BCAS1: variants seen among roughly 807,000 people sequenced by gnomAD.
The protein encoded by BCAS1 is breast carcinoma-amplified sequence 1.
Under a neutral mutation model 65.4 loss-of-function variants are expected in BCAS1, and 46 were observed. The observed-to-expected ratio is 0.70, with a 90% confidence interval of 0.55 to 0.90. The LOEUF (loss-of-function observed/expected upper bound fraction) is 0.90, where lower values mean the gene tolerates loss of function less well. Among genes scored for constraint, BCAS1 ranks in the 40% least tolerant of loss-of-function variants. The pLI, the probability that BCAS1 is intolerant of heterozygous loss-of-function variation, is 0.00. For synonymous variants in BCAS1, 298 were observed against 293.5 expected (o/e 1.02, Z -0.16); for missense variants, 793 against 771.2 (o/e 1.03, Z -0.33).
intron 12 of BCAS1, among the ~76,000 whole-genome samples, chr20:53,946,837 T>A (rs1174642868): frequency 1.3e-5 from 2 of 148,726 alleles, no homozygotes; most frequent in Non-Finnish European, 3.0e-5. Context: ...AAAGTATGTA[T>A]GGTCTAGTAT....
chr20:53,963,229 C>T (rs534904326), intron 10 of BCAS1, among the ~76,000 whole-genome samples: 10 of 151,914 alleles, frequency 6.6e-5, no homozygotes, highest in African/African-American at 2.4e-5. Context: ...TGCCTATAAT[C>T]CCAGCACTTT....
chr20:54,065,049 C>G (rs1169852648), intron 1 of BCAS1, among the ~76,000 whole-genome samples: 1 of 152,014 alleles, frequency 6.6e-6, no homozygotes, highest in Non-Finnish European at 1.5e-5. Flanking sequence ...ATATAGATGT[C>G]CCAAACTCAA....
intron 12 of BCAS1, among the ~76,000 whole-genome samples, chr20:53,947,829 C>T (rs10485441): frequency 0.099 from 15,100 of 152,272 alleles, 886 homozygotes; most frequent in South Asian, 0.16. Context: ...ATCTCTGCAC[C>T]TTTACAACCC....
rs369465212 is a variant in BCAS1 at position 54,058,903 on chromosome 20, G to C, written c.-5-180C>G. Among the ~76,000 whole-genome samples the C allele has an allele frequency of 8.5e-5, 13 of 152,184 alleles. 2 individuals carry two copies. The highest frequency in any genetic ancestry group is 3.9e-4 in the East Asian group (2 of 5,186). ...TGCTATGAAGAAATACCCGAGACTG[G>C]GTAATTTATAAAGAAAAGAGGTTGA... On this transcript the variant is annotated intron_variant, in intron 1 of 12. Transcript: ENST00000688948.
chr20:54,021,397 TA>T (rs563492495), intron 4 of BCAS1, among the ~76,000 whole-genome samples: 5,719 of 91,310 alleles, frequency 0.063, 954 homozygotes, highest in Middle Eastern at 0.17. Flanking sequence ...GCATTACGTC[TA>T]AAAAAAAAGT....
chr20:54,022,341 A>T (rs2091579843), intron 4 of BCAS1, among the ~76,000 whole-genome samples: 1 of 152,028 alleles, frequency 6.6e-6, no homozygotes, highest in South Asian at 2.1e-4. Flanking sequence ...TATATTACCA[A>T]CCCCTAAATG....
At chr20:54,021,412 T>C (rs887979800) in intron 4 of BCAS1, among the ~76,000 whole-genome samples, 3 of 77,500 alleles carry the variant, frequency 3.9e-5, no homozygotes, top group Non-Finnish European at 9.8e-5. Context: ...AAAAAGTACA[T>C]ACTTTAATTT....
At position 54,032,905 on chromosome 20, in the gene BCAS1, G is replaced by C. The variant is rs190438619; in HGVS notation, c.143-3933C>G. Among the ~76,000 whole-genome samples, 3 of 150,938 alleles carry C rather than the reference G, an allele frequency of 2.0e-5. No homozygotes were observed. In the Admixed American group the frequency reaches 2.0e-4, roughly 10 times the overall value. ...ACTTTAATACCCCATGACAATATTA[G>C]ACAGATCATTGAGACAGGAAATTAA... is the stretch of plus-strand genomic sequence containing the variant. On this transcript the variant is annotated intron_variant, in intron 3 of 12. Transcript: ENST00000688948.
intron 10 of BCAS1, among the ~76,000 whole-genome samples, chr20:53,959,466 C>G (rs1342121262): frequency 6.6e-6 from 1 of 152,144 alleles, no homozygotes; most frequent in South Asian, 2.1e-4. Context: ...GTTGGCCAGG[C>G]TGGTCTCAAA....
intron 4 of BCAS1, among the ~76,000 whole-genome samples, chr20:54,009,221 T>C (rs999621199): frequency 1.3e-5 from 2 of 152,046 alleles, no homozygotes; most frequent in Non-Finnish European, 2.9e-5. Context: ...ATAGAAGATA[T>C]AAAAATAACT....
At chr20:53,973,186 G>A (rs187056032) in intron 9 of BCAS1, among the ~76,000 whole-genome samples, 47 of 152,232 alleles carry the variant, frequency 3.1e-4, no homozygotes, top group East Asian at 7.7e-4. Context: ...CCGAGATTGC[G>A]CCACTGCACT....
chr20:53,972,186 G>GT (rs1202294397), intron 9 of BCAS1, among the ~76,000 whole-genome samples: 1 of 152,184 alleles, frequency 6.6e-6, no homozygotes, highest in African/African-American at 2.4e-5. Context: ...AAGCACTCTT[G>GT]TAATATGGTT....
intron 3 of BCAS1, among the ~76,000 whole-genome samples, chr20:54,032,562 A>G (rs957616127): frequency 6.6e-6 from 1 of 151,352 alleles, no homozygotes; most frequent in African/African-American, 2.4e-5. Context: ...CCATTGGTAT[A>G]CTGTCTTCAA....
Position 53,967,005 on chromosome 20 carries a change from G to A in BCAS1, c.1386C>T (p.Asp462=), listed in dbSNP as rs1568822123. ...CAGGTGCAGCATCTCCTTCGTTGAG[G>A]TCCACTGTTTGTAAGGCTGATTCTA... ...KEVESALQTV[D]LNEGDAAPEP... Residue 462 remains aspartate, a synonymous_variant, in exon 10 of 13, where the codon GAC becomes GAT. Transcript: ENST00000688948. 6.2e-7 allele frequency: 1 copy of A among 1,613,118 alleles called. No individual in the cohort carries two copies. Among genetic ancestry groups the A allele is most frequent in the South Asian group, 1.1e-5 (1 of 90,754 alleles).
chr20:54,000,849 C>A (rs1036661041), intron 4 of BCAS1, among the ~76,000 whole-genome samples: 1 of 152,120 alleles, frequency 6.6e-6, no homozygotes, highest in South Asian at 2.1e-4. Flanking sequence ...AAAAATATAT[C>A]TTCTATGTCT....
intron 4 of BCAS1, among the ~76,000 whole-genome samples, chr20:54,001,358 C>A (rs959589117): frequency 2.0e-5 from 3 of 152,182 alleles, no homozygotes; most frequent in African/African-American, 7.2e-5. Context: ...CTTCCCCAAA[C>A]AAGCCCCCTT....
chr20:53,982,123 A>G (rs1330307439), intron 8 of BCAS1, among the ~76,000 whole-genome samples: 1 of 152,208 alleles, frequency 6.6e-6, no homozygotes, highest in Admixed American at 6.5e-5. Context: ...GTGGTCAACC[A>G]ATTTGTCCAG....
intron 3 of BCAS1, among the ~76,000 whole-genome samples, chr20:54,043,371 G>T (rs1202552766): frequency 1.3e-5 from 2 of 151,976 alleles, no homozygotes; most frequent in African/African-American, 4.8e-5. Flanking sequence ...AGGGATTTGA[G>T]GTAGGGAAAA....
intron 1 of BCAS1, among the ~76,000 whole-genome samples, chr20:54,066,404 G>C (rs1273693572): frequency 6.6e-6 from 1 of 152,186 alleles, no homozygotes; most frequent in African/African-American, 2.4e-5. Flanking sequence ...CCATTTTACA[G>C]ATGCAGAACC....
Sources: allele counts gnomAD v4.1 joint callset (sites outside exome capture counted in the v4.1 genomes callset), GRCh38; gene constraint gnomAD v4.1.1; transcripts MANE v1.5; gene names NCBI Gene and HGNC (gene_info 2026-07-23, HGNC 2026-07-21).